The following NUDC variants were observed in gnomAD, a reference collection of about 807,000 sequenced individuals.
The protein encoded by NUDC is nuclear distribution C, dynein complex regulator.
Under a neutral mutation model 45.0 loss-of-function variants are expected in NUDC, and 14 were observed. That is an observed-to-expected ratio of 0.31 (90% CI 0.21 to 0.49). The LOEUF (loss-of-function observed/expected upper bound fraction) is 0.49, where lower values mean the gene tolerates loss of function less well. Among genes scored for constraint, NUDC ranks in the 20% least tolerant of loss-of-function variants. The probability of loss-of-function intolerance (pLI) is 0.99; values close to 1 mark genes in which losing one functional copy is unlikely to be tolerated. For missense variants in NUDC, 323 were observed against 426.2 expected (o/e 0.76, Z 2.13); for synonymous variants, 153 against 156.7 (o/e 0.98, Z 0.17).
Position 26,905,159 on chromosome 1 carries a change from T to TA in NUDC, c.-16+2793_-16+2794insA, listed in dbSNP as rs201249495. 6.4e-3 allele frequency among the ~76,000 whole-genome samples: 775 copies of TA among 121,438 alleles called. 3 individuals are homozygous for TA. Among genetic ancestry groups the TA allele is most frequent in the Middle Eastern group, 9.7e-3 (2 of 206 alleles). The allele number at this position is 121,438 out of a possible 152,430, so 79.7% of individuals were successfully genotyped here. A position where few individuals can be genotyped will look rare whatever the true frequency, so the allele number is the denominator to read the frequency against. On this transcript the variant is annotated intron_variant, in intron 2 of 6. Transcript: ENST00000435827. ...GGCCTATTATTATTATTATTATTAT[T>TA]TTTTTTTTTTTTTTTTTTTGAGACA...
chr1:26,926,202 TAAAC>T (rs774917284), intron 2 of NUDC, among the ~76,000 whole-genome samples: 91 of 152,016 alleles, frequency 6.0e-4, no homozygotes, highest in Non-Finnish European at 1.9e-4. Context: ...ATAATAGACA[TAAAC>T]AAGAGACATA....
At chr1:26,936,528 G>A (rs1488973297) in intron 2 of NUDC, among the ~76,000 whole-genome samples, 1 of 151,396 alleles carries the variant, frequency 6.6e-6, no homozygotes, top group Non-Finnish European at 1.5e-5. Context: ...GTTTCACCTT[G>A]TTGGCCAGGC....
intron 2 of NUDC, among the ~76,000 whole-genome samples, chr1:26,932,348 T>C (rs998255493): frequency 6.6e-6 from 1 of 151,996 alleles, no homozygotes; most frequent in Non-Finnish European, 1.5e-5. Flanking sequence ...GGCTAATTAT[T>C]GTATTTTTAC....
chr1:26,941,183 C>G (rs1029446150), intron 2 of NUDC, among the ~76,000 whole-genome samples: 8 of 151,116 alleles, frequency 5.3e-5, no homozygotes, highest in African/African-American at 1.7e-4. Context: ...CCCTCCTCAG[C>G]CTCCCAAAGT....
chr1:26,935,235 G>A (rs772137085), intron 2 of NUDC, among the ~76,000 whole-genome samples: 1 of 152,024 alleles, frequency 6.6e-6, no homozygotes, highest in African/African-American at 2.4e-5. Context: ...GTGCCCCCTT[G>A]GCCTCCCAAA....
chr1:26,904,114 T>C (rs1298792914), intron 2 of NUDC, among the ~76,000 whole-genome samples: 1 of 147,470 alleles, frequency 6.8e-6, no homozygotes, highest in Non-Finnish European at 1.5e-5. Context: ...AAATTGTAGA[T>C]AGGACCATTA....
exon 1 of NUDC, chr1:26,900,368 G>A (rs1387771241): frequency 7.4e-6 from 12 of 1,613,906 alleles, no homozygotes; most frequent in Non-Finnish European, 1.0e-5. Context: ...AATGGGCCGA[G>A]CGCAACACGG....
At chr1:26,943,931 G>A (rs933282785) in intron 6 of NUDC, among the ~76,000 whole-genome samples, 2 of 152,210 alleles carry the variant, frequency 1.3e-5, no homozygotes, top group African/African-American at 4.8e-5. Context: ...AGGCTGGAGT[G>A]CAGTGGCGCG....
chr1:26,943,097 TGTTGATGGAA>T lies in NUDC; in HGVS notation c.741+35_741+44del. ...GAGGCCCAGCCCTTCTAGCCTGGGG[TGTTGATGGAA>T]GTAGAAGGGAGGATGTGTGCTTAGT... On this transcript the variant is annotated intron_variant, in intron 6 of 8. Transcript: ENST00000321265. The T allele has an allele frequency of 1.9e-6, 3 of 1,610,308 alleles. No individual in the cohort carries two copies. In the African/African-American group the frequency reaches 4.0e-5, roughly 22 times the overall value.
chr1:26,915,751 C>T (rs147534355), intron 3 of NUDC, among the ~76,000 whole-genome samples: 20 of 152,164 alleles, frequency 1.3e-4, no homozygotes, highest in East Asian at 1.9e-4. Flanking sequence ...TTCTGGCATA[C>T]GGTAGGAGGA....
rs187347758 is a variant in NUDC at position 26,946,784 on chromosome 1, G to A, written c.*603G>A. 1.2e-3 allele frequency: 200 copies of A among 161,324 alleles called. No individual in the cohort carries two copies. The highest frequency in any genetic ancestry group is 3.1e-3 in the East Asian group (17 of 5,532). 10.0% of individuals were successfully genotyped at this position (161,324 alleles called of 1,614,324 possible). ...GGAGAATCGCTTGAACCCGGGTGGC[G>A]GAGGTTGCAGTGAGCCGAGATTGCA... is the stretch of plus-strand genomic sequence containing the variant. On this transcript the variant is annotated 3_prime_UTR_variant, in exon 9 of 9. Transcript: ENST00000321265.
chr1:26,931,227 G>GCCCA (rs2082180766), intron 2 of NUDC, among the ~76,000 whole-genome samples: 1 of 148,902 alleles, frequency 6.7e-6, no homozygotes, highest in Non-Finnish European at 1.5e-5. Flanking sequence ...ACAGGCGTGT[G>GCCCA]CCACCACGCC....
upstream of NUDC, among the ~76,000 whole-genome samples, chr1:26,918,583 T>C (rs981138190): frequency 1.3e-5 from 2 of 150,184 alleles, no homozygotes; most frequent in African/African-American, 4.9e-5. Context: ...TTTTTTTTTT[T>C]TTTTTTTTGA....
intron 2 of NUDC, among the ~76,000 whole-genome samples, chr1:26,936,642 C>CA (rs934119956): frequency 2.0e-5 from 3 of 151,142 alleles, no homozygotes; most frequent in Non-Finnish European, 4.4e-5. Context: ...ACCTGGCCTA[C>CA]AAAAAAAAAT....
intron 2 of NUDC, among the ~76,000 whole-genome samples, chr1:26,903,940 G>A (rs2081991301): frequency 6.6e-6 from 1 of 151,176 alleles, no homozygotes; most frequent in Non-Finnish European, 1.5e-5. Context: ...GAACCCGGGA[G>A]GCGGAGCTTG....
chr1:26,924,299 G>A (rs1002752389), intron 2 of NUDC, 133 bp downstream of exon 2: 12 of 755,530 alleles, frequency 1.6e-5, no homozygotes, highest in African/African-American at 8.6e-5. Context: ...GGGAAGGGAA[G>A]GAAGCTGTCA....
chr1:26,901,444 A>G (rs993360886), intron 1 of NUDC, among the ~76,000 whole-genome samples: 8 of 125,040 alleles, frequency 6.4e-5, no homozygotes, highest in African/African-American at 2.5e-4. Context: ...TCGCTCTGTC[A>G]TCCAGGCTGG....
At chr1:26,915,337 A>G (rs1570716450) in intron 3 of NUDC, among the ~76,000 whole-genome samples, 1 of 151,984 alleles carries the variant, frequency 6.6e-6, no homozygotes, top group Non-Finnish European at 1.5e-5. Context: ...AGCTGCCCCC[A>G]CCTTGCTGCT....
rs1290210706 is a variant in NUDC at position 26,924,117 on chromosome 1, G to A, written c.110G>A (p.Arg37Gln). The stretch of plus-strand genomic sequence containing the variant: ...GTGAACACCTTCTTCAGCTTCCTTC[G>A]ACGCAAAACAGACTTTTTCATTGGA... ...ELVNTFFSFL[R>Q]RKTDFFIGGE... The change falls in exon 2 of 9, where the codon CGA becomes CAA. Residue 37 changes from arginine to glutamine, a missense_variant. Coordinates refer to ENST00000321265, the MANE Select transcript of NUDC (RefSeq NM_006600.4). The A allele has an allele frequency of 7.4e-6, 12 of 1,613,852 alleles. No homozygotes were observed. The highest frequency in any genetic ancestry group is 1.0e-5 in the Non-Finnish European group (12 of 1,179,988).
Sources: gnomAD v4.1 joint callset for allele counts (sites outside exome capture counted in the v4.1 genomes callset) on GRCh38, gnomAD v4.1.1 for gene constraint, MANE v1.5 for transcripts, NCBI Gene and HGNC (gene_info 2026-07-23, HGNC 2026-07-21) for gene names.